Variants in ERBB4 observed in about 807,000 individuals in gnomAD.
ERBB4 encodes erb-b2 receptor tyrosine kinase 4, also known as receptor tyrosine-protein kinase erbB-4.
Under a neutral mutation model 158.0 loss-of-function variants are expected in ERBB4, and 42 were observed. That is an observed-to-expected ratio of 0.27 (90% CI 0.21 to 0.34). The LOEUF is 0.34. Ranked by LOEUF, ERBB4 falls within the 10% of genes least tolerant of loss-of-function variation. The pLI is 1.00. For synonymous variants in ERBB4, 583 were observed against 558.7 expected, an observed-to-expected ratio of 1.04 and a Z score of -0.61; for missense variants, 1,333 against 1,624.1, an observed-to-expected ratio of 0.82 and a Z score of 3.08.
intron 20 of ERBB4, among the ~76,000 whole-genome samples, chr2:211,492,778 C>A (rs564220808): frequency 6.6e-6 from 1 of 152,038 alleles, no homozygotes; most frequent in African/African-American, 2.4e-5. Context: ...GTAACTATTG[C>A]GGTAATAATA....
intron 2 of ERBB4, among the ~76,000 whole-genome samples, chr2:212,118,418 C>T (rs1337330039): frequency 3.3e-5 from 5 of 152,100 alleles, no homozygotes; most frequent in African/African-American, 1.2e-4. Flanking sequence ...CTTTCTCTGC[C>T]TTCCTACAAA....
intron 1 of ERBB4, among the ~76,000 whole-genome samples, chr2:212,149,653 A>G (rs1337303276): frequency 1.3e-5 from 2 of 152,208 alleles, no homozygotes; most frequent in African/African-American, 4.8e-5. Flanking sequence ...ATATGCATAC[A>G]TACAACCCTT....
intron 3 of ERBB4, among the ~76,000 whole-genome samples, chr2:211,859,531 A>G (rs56099236): frequency 0.21 from 32,316 of 152,142 alleles, 3,589 homozygotes; most frequent in South Asian, 0.33. Context: ...TATGTTTAAT[A>G]AAGTTTAATA....
intron 2 of ERBB4, among the ~76,000 whole-genome samples, chr2:212,065,641 G>C (rs909911024): frequency 2.6e-5 from 4 of 151,938 alleles, no homozygotes; most frequent in East Asian, 1.9e-4. Context: ...CAAGATATTA[G>C]AAACGGAGAG....
chr2:211,737,439 G>A (rs1408776085), intron 5 of ERBB4, among the ~76,000 whole-genome samples: 1 of 152,002 alleles, frequency 6.6e-6, no homozygotes, highest in Non-Finnish European at 1.5e-5. Context: ...TGTATATACC[G>A]AAATGATTCA....
At chr2:211,894,900 C>T (rs1196612713) in intron 3 of ERBB4, among the ~76,000 whole-genome samples, 1 of 152,144 alleles carries the variant, frequency 6.6e-6, no homozygotes, top group Non-Finnish European at 1.5e-5. Flanking sequence ...GTAGTAATCA[C>T]TAATATCTAA....
intron 12 of ERBB4, among the ~76,000 whole-genome samples, chr2:211,688,208 G>T (rs2072647932): frequency 6.6e-6 from 1 of 152,304 alleles, no homozygotes; most frequent in South Asian, 2.1e-4. Context: ...CCTATGTACA[G>T]ATCCACATTT....
At chr2:212,262,713 G>A (rs913106823) in intron 1 of ERBB4, among the ~76,000 whole-genome samples, 14 of 152,190 alleles carry the variant, frequency 9.2e-5, no homozygotes, top group South Asian at 6.2e-4. Flanking sequence ...TCTGTGAAGT[G>A]CAATGGGTTT....
At chr2:211,863,546 G>A (rs955369483) in intron 3 of ERBB4, among the ~76,000 whole-genome samples, 3 of 152,124 alleles carry the variant, frequency 2.0e-5, no homozygotes, top group African/African-American at 7.2e-5. Context: ...GAACCCACTG[G>A]GAGGAACAAA....
At chr2:211,516,549 G>A (rs1299782945) in intron 20 of ERBB4, among the ~76,000 whole-genome samples, 1 of 151,688 alleles carries the variant, frequency 6.6e-6, no homozygotes, top group Non-Finnish European at 1.5e-5. Context: ...TGCCCAGGCT[G>A]GTCTTGAACT....
chr2:211,748,173 G>T (rs1028165667), intron 5 of ERBB4, among the ~76,000 whole-genome samples: 1 of 151,626 alleles, frequency 6.6e-6, no homozygotes, highest in Non-Finnish European at 1.5e-5. Context: ...CTGTAAAATC[G>T]ATACATATAA....
chr2:212,120,994 G>A (rs2079730525), intron 2 of ERBB4, among the ~76,000 whole-genome samples: 2 of 152,148 alleles, frequency 1.3e-5, no homozygotes, highest in Admixed American at 6.5e-5. Flanking sequence ...AAGCTACTAA[G>A]AGCACAAATA....
rs371292291 is a variant in ERBB4 at position 212,201,130 on chromosome 2, A to C, written c.83-76227T>G. Among the ~76,000 whole-genome samples, 5 of 152,272 alleles carry C rather than the reference A, an allele frequency of 3.3e-5. No homozygotes were observed. In the South Asian group the frequency reaches 1.0e-3, roughly 32 times the overall value. On this transcript the variant is annotated intron_variant, in intron 1 of 27. Coordinates refer to ENST00000342788, the MANE Select transcript of ERBB4 (RefSeq NM_005235.3). ...TTAGATATTAAGAAAGTACATTTAA[A>C]ATTTAATTATGCAAGTTTTCCTTCT... is the stretch of plus-strand genomic sequence containing the variant.
At position 212,443,802 on chromosome 2, in the gene ERBB4, C is replaced by G. The variant is rs535235412; in HGVS notation, c.82+94647G>C. On this transcript the variant is annotated intron_variant, in intron 1 of 27. Coordinates refer to ENST00000342788, the MANE Select transcript of ERBB4 (RefSeq NM_005235.3). ...AGCAGAGGCCTCTAGAATTTTGGAG[C>G]AAGGCCCTGCCATGTTCTGCAGATA... Among the ~76,000 whole-genome samples, 10 of 152,280 alleles carry G rather than the reference C, an allele frequency of 6.6e-5. No individual in the cohort carries two copies. In the South Asian group the frequency reaches 1.9e-3, roughly 28 times the overall value.
At chr2:212,336,336 C>T (rs935045767) in intron 1 of ERBB4, among the ~76,000 whole-genome samples, 4 of 151,934 alleles carry the variant, frequency 2.6e-5, no homozygotes, top group Non-Finnish European at 4.4e-5. Flanking sequence ...CACCATCTCC[C>T]TTCAGATTTA....
At chr2:211,555,436 C>T (rs1421885321) in intron 20 of ERBB4, among the ~76,000 whole-genome samples, 4 of 152,268 alleles carry the variant, frequency 2.6e-5, no homozygotes, top group South Asian at 2.1e-4. Flanking sequence ...CCATCCGCCT[C>T]GGCCTCCCAA....
chr2:211,524,679 C>T (rs903827983), intron 20 of ERBB4, among the ~76,000 whole-genome samples: 2 of 119,062 alleles, frequency 1.7e-5, no homozygotes, highest in Non-Finnish European at 3.3e-5. Context: ...GAGTGCGGGG[C>T]CGCCAAGCCC....
chr2:212,159,627 G>A (rs2888052), intron 1 of ERBB4, among the ~76,000 whole-genome samples: 28,693 of 151,710 alleles, frequency 0.19, 3,647 homozygotes, highest in Non-Finnish European at 0.28. Context: ...TTACATAAAT[G>A]AATTGTTTTC....
intron 3 of ERBB4, among the ~76,000 whole-genome samples, chr2:211,836,372 C>A (rs1017449340): frequency 3.9e-5 from 6 of 152,020 alleles, no homozygotes; most frequent in Admixed American, 1.3e-4. Flanking sequence ...TACTTATACC[C>A]ACTTCCTCCC....
Sources: gnomAD v4.1 joint callset for allele counts (sites outside exome capture counted in the v4.1 genomes callset) on GRCh38, gnomAD v4.1.1 for gene constraint, MANE v1.5 for transcripts, NCBI Gene and HGNC (gene_info 2026-07-23, HGNC 2026-07-21) for gene names.